The following P4HA3 variants were observed in gnomAD, a reference collection of about 807,000 sequenced individuals.
P4HA3 encodes the protein prolyl 4-hydroxylase subunit alpha-3.
P4HA3 carries 60 observed loss-of-function variants against 66.7 expected under a neutral mutation model. The observed-to-expected ratio is 0.90, with a 90% confidence interval of 0.73 to 1.12. The LOEUF (loss-of-function observed/expected upper bound fraction) is 1.12, where lower values mean the gene tolerates loss of function less well. Ranked by LOEUF, P4HA3 falls within the 50% of genes most tolerant of loss-of-function variation. The pLI is 0.00. For synonymous variants in P4HA3, 263 were observed against 274.6 expected, an observed-to-expected ratio of 0.96 and a Z score of 0.42; for missense variants, 683 against 685.8, an observed-to-expected ratio of 1.00 and a Z score of 0.05.
At chr11:74,287,268 G>A (rs777800984) in intron 5 of P4HA3, 2 of 1,289,392 alleles carry the variant, frequency 1.6e-6, no homozygotes, top group South Asian at 1.2e-5. Flanking sequence ...GGAGCCCAGT[G>A]TGCTTCTAAC....
At chr11:74,274,309 T>G (rs1860316861) in intron 9 of P4HA3, among the ~76,000 whole-genome samples, 1 of 150,804 alleles carries the variant, frequency 6.6e-6, no homozygotes, top group African/African-American at 2.4e-5. Flanking sequence ...TTTTTGTTTT[T>G]TTTTTTTTGT....
intron 9 of P4HA3, among the ~76,000 whole-genome samples, chr11:74,274,143 T>C (rs1248912276): frequency 1.3e-5 from 2 of 152,170 alleles, no homozygotes; most frequent in East Asian, 1.9e-4. Flanking sequence ...AGCTCCTTCA[T>C]GCCAGTTAGG....
downstream of P4HA3, among the ~76,000 whole-genome samples, chr11:74,266,446 C>T (rs1330165365): frequency 2.0e-5 from 3 of 152,164 alleles, no homozygotes; most frequent in Non-Finnish European, 4.4e-5. Context: ...AGATGTTATA[C>T]TGTATTGTTC....
chr11:74,267,968 G>A (rs1443305708), intron 12 of P4HA3, among the ~76,000 whole-genome samples, 177 bp downstream of exon 12: 1 of 152,192 alleles, frequency 6.6e-6, no homozygotes, highest in Non-Finnish European at 1.5e-5. Flanking sequence ...ACCCCTGCCT[G>A]TTATAGGCTC....
chr11:74,293,205 CTTCT>C (rs1861093684), intron 4 of P4HA3, among the ~76,000 whole-genome samples: 1 of 151,804 alleles, frequency 6.6e-6, no homozygotes, highest in South Asian at 2.1e-4. Flanking sequence ...ATGTAATGGC[CTTCT>C]TTGTCTCTTT....
chr11:74,293,095 G>T (rs1269165515), intron 4 of P4HA3, among the ~76,000 whole-genome samples: 24 of 151,922 alleles, frequency 1.6e-4, no homozygotes, highest in Admixed American at 1.6e-3. Flanking sequence ...CTCTTTGTAG[G>T]TCACTCAGGA....
intron 15 of P4HA3, chr11:74,251,408 A>G: frequency 7.3e-7 from 1 of 1,374,404 alleles, no homozygotes; most frequent in South Asian, 1.9e-5. Context: ...CTCTGAGGGC[A>G]CACATAAGCC....
intron 14 of P4HA3, among the ~76,000 whole-genome samples, chr11:74,260,566 AAAC>A (rs1365933807): frequency 6.6e-6 from 1 of 152,204 alleles, no homozygotes; most frequent in Non-Finnish European, 1.5e-5. Flanking sequence ...TTTTTCCAAA[AAAC>A]AGATTACAGA....
chr11:74,286,321 G>A lies in P4HA3; in HGVS notation c.840C>T (p.His280=), dbSNP rs374537815. 12 of 1,608,262 alleles carry A rather than the reference G, an allele frequency of 7.5e-6. No individual in the cohort carries two copies. Among genetic ancestry groups the A allele is most frequent in the East Asian group, 2.2e-5 (1 of 44,750 alleles). ...YERLLAESPN[H]VVAEAVIQRP... The stretch of plus-strand genomic sequence containing the variant: ...TCTGGATGACAGCCTCAGCTACCAC[G>A]TGGTTGGGGCTCTCTGCCAAGAGCC... The change falls in exon 6 of 13, where the codon CAC becomes CAT. Residue 280 remains histidine, a synonymous_variant. Coordinates refer to ENST00000331597, the MANE Select transcript of P4HA3 (RefSeq NM_182904.5).
At chr11:74,255,491 C>T (rs1182626847) in intron 15 of P4HA3, among the ~76,000 whole-genome samples, 1 of 152,194 alleles carries the variant, frequency 6.6e-6, no homozygotes, top group Non-Finnish European at 1.5e-5. Context: ...ACCCCTTACA[C>T]TGTATGGTAT....
chr11:74,264,988 T>G (rs10898973), downstream of P4HA3, among the ~76,000 whole-genome samples: 32,244 of 152,158 alleles, frequency 0.21, 3,711 homozygotes, highest in East Asian at 0.31. Flanking sequence ...TTGGGGCCAG[T>G]CTGTGGCACT....
At chr11:74,303,887 A>G (rs1008402415) in intron 2 of P4HA3, among the ~76,000 whole-genome samples, 1 of 152,098 alleles carries the variant, frequency 6.6e-6, no homozygotes, top group Non-Finnish European at 1.5e-5. Context: ...CTGGCCGTCA[A>G]CAAACTTCTT....
At chr11:74,295,114 CGTT>C (rs1565418367) in intron 4 of P4HA3, among the ~76,000 whole-genome samples, 2 of 152,076 alleles carry the variant, frequency 1.3e-5, no homozygotes, top group African/African-American at 4.8e-5. Context: ...AATTGCGGGG[CGTT>C]GTTGTTTGTT....
At chr11:74,290,266 C>A (rs1377012821) in intron 4 of P4HA3, among the ~76,000 whole-genome samples, 6 of 152,204 alleles carry the variant, frequency 3.9e-5, no homozygotes, top group African/African-American at 1.4e-4. Context: ...CTGTTCATAT[C>A]CTTTGCCCAC....
Position 74,285,897 on chromosome 11 carries a change from A to T in P4HA3, c.1022T>A (p.Val341Asp). 6.2e-7 allele frequency: 1 copy of T among 1,613,114 alleles called. No individual in the cohort carries two copies. The highest frequency in any genetic ancestry group is 8.5e-7 in the Non-Finnish European group (1 of 1,179,280). Residue 341 changes from valine to aspartate, a missense_variant, in exon 7 of 13, where the codon GTC (valine) becomes GAC (aspartate). Coordinates refer to ENST00000331597, the MANE Select transcript of P4HA3 (RefSeq NM_182904.5). ...AGCAATGTAGGGCTCCAGGTGGATGACCTCCTTCCGGATGGGCTGGAGCAG... is the reference window on the plus strand; with the variant it reads ...AGCAATGTAGGGCTCCAGGTGGATGTCCTCCTTCCGGATGGGCTGGAGCAG... ...YLLLQPIRKEVIHLEPYIALY... is the reference protein window; with the variant it reads ...YLLLQPIRKEDIHLEPYIALY...
rs1193886442 is a variant in P4HA3 at position 74,311,543 on chromosome 11, C to G, written c.69G>C (p.Arg23Ser). The G allele has an allele frequency of 6.5e-7, 1 of 1,549,630 alleles. No individual in the cohort carries two copies. The highest frequency in any genetic ancestry group is 8.6e-7 in the Non-Finnish European group (1 of 1,157,662). Reference protein sequence around the residue: ...VLALGTGDPERAAARGDTFSA... With the variant: ...VLALGTGDPESAAARGDTFSA... The stretch of plus-strand genomic sequence containing the variant: ...AGAACGTGTCGCCCCGAGCCGCAGC[C>G]CTTTCTGGGTCTCCTGTCCCGAGCG... The change falls in exon 1 of 13, where the codon AGG (arginine) becomes AGC (serine). Residue 23 changes from arginine (R) to serine (S), a missense_variant. Coordinates refer to ENST00000331597, the MANE Select transcript of P4HA3 (RefSeq NM_182904.5).
intron 15 of P4HA3, among the ~76,000 whole-genome samples, chr11:74,255,756 T>C (rs1033865740): frequency 2.0e-5 from 3 of 152,192 alleles, no homozygotes; most frequent in Non-Finnish European, 2.9e-5. Flanking sequence ...GAGAACTGTG[T>C]CCCCATGTCA....
chr11:74,267,433 C>T, intron 12 of P4HA3, 115 bp from the exon 13 acceptor site: 1 of 1,308,782 alleles, frequency 7.6e-7, no homozygotes, highest in East Asian at 2.4e-5. Context: ...ATTCTGCATC[C>T]TAGGTAACTC....
intron 15 of P4HA3, among the ~76,000 whole-genome samples, chr11:74,257,627 G>A (rs1243764629): frequency 6.6e-6 from 1 of 152,104 alleles, no homozygotes; most frequent in East Asian, 1.9e-4. Flanking sequence ...GGCCTTAAGT[G>A]GCAAGAATAA....
Sources: gnomAD v4.1 joint callset for allele counts (sites outside exome capture counted in the v4.1 genomes callset) on GRCh38, gnomAD v4.1.1 for gene constraint, MANE v1.5 for transcripts, NCBI Gene and HGNC (gene_info 2026-07-23, HGNC 2026-07-21) for gene names.